The following EDNRB variants were observed in gnomAD, a reference collection of about 807,000 sequenced individuals.
The protein encoded by EDNRB is Hirschsprung disease 2.
EDNRB carries 18 observed loss-of-function variants against 46.4 expected under a neutral mutation model. The observed-to-expected ratio is 0.39, with a 90% CI of 0.27 to 0.57. The LOEUF is 0.57. Ranked by LOEUF, EDNRB falls within the 20% of genes least tolerant of loss-of-function variation. The pLI, the probability that EDNRB is intolerant of heterozygous loss-of-function variation, is 0.61. For missense variants in EDNRB, 434 were observed against 537.5 expected, an observed-to-expected ratio of 0.81 and a Z score of 1.90; for synonymous variants, 213 against 204.9, an observed-to-expected ratio of 1.04 and a Z score of -0.34.
intron 1 of EDNRB, among the ~76,000 whole-genome samples, chr13:77,929,927 C>T (rs958028220): frequency 6.6e-6 from 1 of 152,134 alleles, no homozygotes; most frequent in African/African-American, 2.4e-5. Context: ...TAGGAAATGT[C>T]AGAGATCATT....
chr13:77,964,545 G>A (rs530574310), intron 1 of EDNRB, among the ~76,000 whole-genome samples: 70 of 152,086 alleles, frequency 4.6e-4, no homozygotes, highest in East Asian at 1.9e-3. Flanking sequence ...ACCAAACACC[G>A]CATGTTCTCA....
At chr13:77,960,557 C>A (rs573099729) in intron 1 of EDNRB, among the ~76,000 whole-genome samples, 46 of 152,256 alleles carry the variant, frequency 3.0e-4, no homozygotes, top group African/African-American at 1.1e-3. Flanking sequence ...TGGAAAGGAA[C>A]AGCCAGCACC....
chr13:77,896,563 T>A lies in EDNRB; in HGVS notation c.*1637A>T, dbSNP rs1237012367. ...ATTTCCAACATGTGGCCCAGCCTAT[T>A]AAAAGAAAAACAAAGTAAAAATTTG... On this transcript the variant is annotated 3_prime_UTR_variant, in exon 7 of 7. Transcript: ENST00000646607. 6.4e-7 allele frequency: 1 copy of A among 1,552,600 alleles called. No homozygotes were observed. The highest frequency in any genetic ancestry group is 2.4e-5 in the East Asian group (1 of 41,774).
intron 1 of EDNRB, among the ~76,000 whole-genome samples, chr13:77,931,417 T>C (rs1880394204): frequency 6.6e-6 from 1 of 152,210 alleles, no homozygotes. Context: ...TATTTTTGTA[T>C]GATATAATCC....
chr13:77,906,416 G>T (rs1879282118), intron 1 of EDNRB, among the ~76,000 whole-genome samples: 1 of 152,018 alleles, frequency 6.6e-6, no homozygotes, highest in Admixed American at 6.5e-5. Context: ...TAATTTCCCT[G>T]CCTTTGAATG....
At chr13:77,959,160 A>C (rs1881325767) in intron 1 of EDNRB, among the ~76,000 whole-genome samples, 1 of 152,200 alleles carries the variant, frequency 6.6e-6, no homozygotes, top group Non-Finnish European at 1.5e-5. Flanking sequence ...CTGCAGACTT[A>C]AATGTCCCTG....
Position 77,898,049 on chromosome 13 carries a change from AGCT to A in EDNRB, c.*148_*150del. The stretch of plus-strand genomic sequence containing the variant: ...AAACAGCTCATAAAATGTCATATGT[AGCT>A]GTGAGTGTTAAAATAATTACACTTA... On this transcript the variant is annotated 3_prime_UTR_variant, in exon 7 of 7. Transcript: ENST00000646607. 2.8e-6 allele frequency: 4 copies of A among 1,453,214 alleles called. No homozygotes were observed. Among genetic ancestry groups the A allele is most frequent in the Non-Finnish European group, 3.6e-6 (4 of 1,105,292 alleles). 90.0% of individuals were successfully genotyped at this position (1,453,214 alleles called of 1,614,324 possible).
intron 1 of EDNRB, among the ~76,000 whole-genome samples, chr13:77,958,466 G>C (rs948946955): frequency 5.3e-5 from 8 of 152,156 alleles, no homozygotes. Flanking sequence ...TCCGCCTCCC[G>C]GGTTCATGCC....
chr13:77,921,950 T>G (rs74687938), upstream of EDNRB, among the ~76,000 whole-genome samples: 2,982 of 152,230 alleles, frequency 0.02, 166 homozygotes, highest in South Asian at 0.13. Context: ...GCTATGGATA[T>G]AGTTTTTTTT....
intron 1 of EDNRB, among the ~76,000 whole-genome samples, chr13:77,950,977 G>T (rs1881074095): frequency 6.6e-6 from 1 of 152,242 alleles, no homozygotes; most frequent in Middle Eastern, 3.4e-3. Context: ...CCACTAAAAA[G>T]GATAAGAGAG....
intron 1 of EDNRB, among the ~76,000 whole-genome samples, chr13:77,965,235 C>T (rs1427435736): frequency 6.6e-6 from 1 of 152,182 alleles, no homozygotes; most frequent in Non-Finnish European, 1.5e-5. Flanking sequence ...TCTTACTCCA[C>T]TATTAGCTGT....
At chr13:77,955,841 G>A (rs538192678) in intron 1 of EDNRB, among the ~76,000 whole-genome samples, 23 of 140,130 alleles carry the variant, frequency 1.6e-4, no homozygotes, top group Non-Finnish European at 9.1e-5. Context: ...GTGTATGTGT[G>A]TGTGTATCTA....
At chr13:77,926,897 T>C (rs1174186190) in intron 1 of EDNRB, among the ~76,000 whole-genome samples, 1 of 152,200 alleles carries the variant, frequency 6.6e-6, no homozygotes, top group Non-Finnish European at 1.5e-5. Flanking sequence ...ACTTCTTACA[T>C]GGTGGCAGCA....
At chr13:77,945,886 A>C (rs1037448306) in intron 1 of EDNRB, among the ~76,000 whole-genome samples, 14 of 151,524 alleles carry the variant, frequency 9.2e-5, no homozygotes, top group African/African-American at 2.4e-4. Context: ...CAAAAAAAAA[A>C]AAAAAAACAA....
chr13:77,903,577 C>G lies in EDNRB; in HGVS notation c.514G>C (p.Glu172Gln), dbSNP rs1402105082. 2.5e-6 allele frequency: 4 copies of G among 1,612,844 alleles called. No homozygotes were observed. Among genetic ancestry groups the G allele is most frequent in the Non-Finnish European group, 2.5e-6 (3 of 1,179,236 alleles). The stretch of plus-strand genomic sequence containing the variant: ...ATGAAAGGCACCAGCTTACACATCT[C>G]AGCTCCAAATGGCCAGTCCTCTGCC... ...LLAEDWPFGA[E>Q]MCKLVPFIQK... Residue 172 changes from glutamate (E) to glutamine (Q), a missense_variant, in exon 2 of 7, where the codon GAG becomes CAG. By Grantham distance (29) the Glu-to-Gln change is conservative. Coordinates refer to ENST00000646607, the MANE Select transcript of EDNRB (RefSeq NM_001122659.3).
chr13:77,954,726 C>G (rs1036117388), intron 1 of EDNRB, among the ~76,000 whole-genome samples: 1 of 151,992 alleles, frequency 6.6e-6, no homozygotes, highest in African/African-American at 2.4e-5. Flanking sequence ...AGGCTGGCCT[C>G]GAACTCCTGA....
chr13:77,896,420 T>G lies in EDNRB; in HGVS notation c.*1780A>C, dbSNP rs1878625619. The G allele has an allele frequency of 6.5e-7, 1 of 1,541,442 alleles. No individual in the cohort carries two copies. The highest frequency in any genetic ancestry group is 8.7e-7 in the Non-Finnish European group (1 of 1,143,646). On this transcript the variant is annotated 3_prime_UTR_variant, in exon 7 of 7. Coordinates refer to ENST00000646607, the MANE Select transcript of EDNRB (RefSeq NM_001122659.3). ...AACAAGTTTGTGGGTGATTTATAAA[T>G]AGAATCCATATGGTGTGTGAATTAA... is the stretch of plus-strand genomic sequence containing the variant.
At chr13:77,919,021 C>T (rs1363949759), upstream of EDNRB, 1 of 675,580 alleles carries the variant, frequency 1.5e-6, no homozygotes, top group Non-Finnish European at 2.0e-6. Flanking sequence ...AGGCCAAGGG[C>T]TTGTGTCAAG....
At chr13:77,945,290 G>A (rs1594389640) in intron 1 of EDNRB, among the ~76,000 whole-genome samples, 1 of 152,154 alleles carries the variant, frequency 6.6e-6, no homozygotes, top group East Asian at 1.9e-4. Flanking sequence ...ACTCTAGGAA[G>A]ATTTTGGGCA....
Sources: gnomAD v4.1 joint callset for allele counts (sites outside exome capture counted in the v4.1 genomes callset) on GRCh38, gnomAD v4.1.1 for gene constraint, MANE v1.5 for transcripts, NCBI Gene and HGNC (gene_info 2026-07-23, HGNC 2026-07-21) for gene names.